LHCGR: variants seen among roughly 807,000 people sequenced by gnomAD.
The protein encoded by LHCGR is luteinizing hormone/choriogonadotropin receptor, also known as lutropin-choriogonadotropic hormone receptor.
LHCGR carries 55 observed loss-of-function variants against 60.7 expected under a neutral mutation model. That is an observed-to-expected ratio of 0.91 (90% CI 0.73 to 1.13). The LOEUF is 1.13. LHCGR is among the 50% of genes most tolerant of loss of function. The pLI is 0.00. For synonymous variants in LHCGR, 337 were observed against 316.5 expected (o/e 1.06, Z -0.69); for missense variants, 862 against 836.0 (o/e 1.03, Z -0.38).
Position 48,725,697 on chromosome 2 carries a change from T to G in LHCGR, c.362A>C (p.Asn121Thr), listed in dbSNP as rs1668688111. The change falls in exon 4 of 11, where the codon AAT (asparagine) becomes ACT (threonine). Residue 121 changes from asparagine (N) to threonine (T), a missense_variant. Physicochemically the swap from Asn to Thr is moderately conservative, Grantham distance 65 (BLOSUM62 0). Transcript: ENST00000294954. ...TCACAAGTATTTTAATCGGGGAAGA[T>G]TTATAAATGCTCCGGGCTCAATGTA... The part of the protein sequence containing the change: ...LRYIEPGAFI[N>T]LPRLKYLSIC... 6.2e-7 allele frequency: 1 copy of G among 1,613,382 alleles called. No individual in the cohort carries two copies. The highest frequency in any genetic ancestry group is 8.5e-7 in the Non-Finnish European group (1 of 1,179,514).
At chr2:48,717,870 G>T (rs557807136) in intron 6 of LHCGR, among the ~76,000 whole-genome samples, 1 of 115,728 alleles carries the variant, frequency 8.6e-6, no homozygotes, top group Admixed American at 1.1e-4. Context: ...AATAGCCTCA[G>T]TCCTGCTTGT....
intron 8 of LHCGR, 100 bp downstream of exon 8, chr2:48,708,848 A>G: frequency 1.1e-6 from 1 of 905,182 alleles, no homozygotes. Context: ...GTAGAGGCTG[A>G]TGTCTCACAT....
chr2:48,687,704 T>G lies in LHCGR; in HGVS notation c.2093A>C (p.Glu698Ala), dbSNP rs1180819727. Residue 698 changes from glutamate to alanine, a missense_variant, in exon 11 of 11, where the codon GAG (glutamate) becomes GCG (alanine). By Grantham distance (107) the Glu-to-Ala change is moderately radical. Coordinates refer to ENST00000294954, the MANE Select transcript of LHCGR (RefSeq NM_000233.4). ...TALLDKTRYT[E>A]C is the part of the protein sequence containing the mutation. ...CAGTTACTGATGTAACAGTTAACAC[T>G]CTGTGTAGCGAGTCTTGTCTAGGAG... 1 of 1,612,920 alleles carries G rather than the reference T, an allele frequency of 6.2e-7. No individual in the cohort carries two copies. Among genetic ancestry groups the G allele is most frequent in the African/African-American group, 1.3e-5 (1 of 74,918 alleles).
intron 8 of LHCGR, among the ~76,000 whole-genome samples, chr2:48,707,192 G>A (rs62135389): frequency 0.13 from 20,203 of 152,240 alleles, 1,607 homozygotes; most frequent in South Asian, 0.24. Flanking sequence ...GATCCACTCC[G>A]GACTCTGTTT....
intron 6 of LHCGR, among the ~76,000 whole-genome samples, chr2:48,715,297 T>C (rs1405462653): frequency 1.3e-5 from 2 of 152,208 alleles, no homozygotes; most frequent in African/African-American, 2.4e-5. Context: ...TAAATATATA[T>C]TAAATAAATT....
chr2:48,709,681 G>A (rs914948036), intron 7 of LHCGR, among the ~76,000 whole-genome samples: 4 of 152,168 alleles, frequency 2.6e-5, no homozygotes, highest in Non-Finnish European at 5.9e-5. Context: ...TCTCAAGGCT[G>A]TGGAAGAAGC....
intron 1 of LHCGR, among the ~76,000 whole-genome samples, chr2:48,752,271 T>C (rs891180958): frequency 2.0e-5 from 3 of 152,188 alleles, no homozygotes; most frequent in Non-Finnish European, 1.5e-5. Context: ...TTGTTTTTTT[T>C]CTTCTTCTTA....
At chr2:48,731,139 A>G in intron 2 of LHCGR, 88 bp downstream of exon 2, 3 of 872,876 alleles carry the variant, frequency 3.4e-6, no homozygotes, top group Non-Finnish European at 5.7e-6. Context: ...TTTCCTAGAA[A>G]AATTATCCCC....
chr2:48,747,459 T>C (rs1199373443), intron 1 of LHCGR, among the ~76,000 whole-genome samples: 1 of 152,204 alleles, frequency 6.6e-6, no homozygotes, highest in Non-Finnish European at 1.5e-5. Flanking sequence ...TCCCCTCTGG[T>C]AGCAACCATT....
intron 8 of LHCGR, among the ~76,000 whole-genome samples, chr2:48,702,017 G>A (rs1667434726): frequency 6.6e-6 from 1 of 152,206 alleles, no homozygotes; most frequent in African/African-American, 2.4e-5. Flanking sequence ...TGGTACACAG[G>A]ATAGGTTCAA....
At chr2:48,711,940 A>G (rs937514552) in intron 7 of LHCGR, among the ~76,000 whole-genome samples, 9 of 152,072 alleles carry the variant, frequency 5.9e-5, no homozygotes, top group African/African-American at 1.2e-4. Flanking sequence ...TGGAGAAGAG[A>G]GTCTAAACTC....
At chr2:48,737,384 G>C (rs1669246500) in intron 1 of LHCGR, among the ~76,000 whole-genome samples, 1 of 152,160 alleles carries the variant, frequency 6.6e-6, no homozygotes, top group South Asian at 2.1e-4. Flanking sequence ...ATGGGAAGAG[G>C]TTTATTTAAT....
At chr2:48,745,801 C>G (rs1167050831) in intron 1 of LHCGR, among the ~76,000 whole-genome samples, 1 of 150,908 alleles carries the variant, frequency 6.6e-6, no homozygotes, top group Admixed American at 6.6e-5. Flanking sequence ...ACATATGTAA[C>G]TAACCTGCAT....
chr2:48,714,830 G>T (rs1668169069), intron 6 of LHCGR, among the ~76,000 whole-genome samples: 2 of 152,054 alleles, frequency 1.3e-5, no homozygotes, highest in African/African-American at 4.8e-5. Context: ...ATGGGGAAAT[G>T]TTTGAGCCAC....
At chr2:48,706,782 C>CA (rs1312083235) in intron 8 of LHCGR, among the ~76,000 whole-genome samples, 2 of 152,140 alleles carry the variant, frequency 1.3e-5, no homozygotes, top group Non-Finnish European at 2.9e-5. Flanking sequence ...TCTAGTTAGC[C>CA]ATTCGCCTAA....
intron 6 of LHCGR, among the ~76,000 whole-genome samples, chr2:48,715,686 T>A (rs1235038700): frequency 6.6e-6 from 1 of 152,218 alleles, no homozygotes; most frequent in East Asian, 1.9e-4. Flanking sequence ...ATGTATGTAC[T>A]CTGTGTGTAT....
Position 48,696,258 on chromosome 2 carries a change from G to A in LHCGR, c.867-1954C>T, listed in dbSNP as rs1231584642. Among the ~76,000 whole-genome samples the A allele has an allele frequency of 2.0e-5, 3 of 152,170 alleles. No individual in the cohort carries two copies. In the East Asian group the frequency reaches 5.8e-4, roughly 29 times the overall value. ...TATTCTATGAAAGAAGTATCATGCTGTTGACACATTATTACAAGGTTTATC... is the reference window on the plus strand; with the variant it reads ...TATTCTATGAAAGAAGTATCATGCTATTGACACATTATTACAAGGTTTATC... On this transcript the variant is annotated intron_variant, in intron 9 of 10. Coordinates refer to ENST00000294954, the MANE Select transcript of LHCGR (RefSeq NM_000233.4).
chr2:48,729,804 G>C (rs1052792848), intron 2 of LHCGR, among the ~76,000 whole-genome samples: 1 of 152,138 alleles, frequency 6.6e-6, no homozygotes, highest in Non-Finnish European at 1.5e-5. Flanking sequence ...TTCCTTGACT[G>C]TTTTTCTCAC....
At chr2:48,701,548 G>C (rs914273038) in intron 8 of LHCGR, among the ~76,000 whole-genome samples, 2 of 152,076 alleles carry the variant, frequency 1.3e-5, no homozygotes, top group African/African-American at 2.4e-5. Flanking sequence ...TCGTTCAAAC[G>C]ACACTTTTTC....
Sources: allele counts gnomAD v4.1 joint callset (sites outside exome capture counted in the v4.1 genomes callset), GRCh38; gene constraint gnomAD v4.1.1; transcripts MANE v1.5; gene names NCBI Gene and HGNC (gene_info 2026-07-23, HGNC 2026-07-21).